Variants in ELP3 observed in about 807,000 individuals in gnomAD.
The protein encoded by ELP3 is elongator complex protein 3.
A neutral mutation model predicts 74.9 loss-of-function variants in ELP3; 56 were observed. The ratio of observed to expected loss-of-function variants is 0.75; its 90% confidence interval spans 0.60 to 0.93. ELP3 has a LOEUF of 0.93. Ranked by LOEUF, ELP3 falls within the 40% of genes least tolerant of loss-of-function variation. The pLI, the probability that ELP3 is intolerant of heterozygous loss-of-function variation, is 0.00. For missense variants in ELP3, 573 were observed against 686.5 expected (o/e 0.83, Z 1.85); for synonymous variants, 222 against 239.8 (o/e 0.93, Z 0.68).
chr8:28,156,109 C>T, intron 11 of ELP3, 77 bp downstream of exon 11: 1 of 1,202,430 alleles, frequency 8.3e-7, no homozygotes, highest in Non-Finnish European at 1.2e-6. Context: ...TTTGCCACTA[C>T]CACCCCTAAA....
chr8:28,118,580 A>G (rs1298579637), intron 7 of ELP3, among the ~76,000 whole-genome samples: 1 of 152,188 alleles, frequency 6.6e-6, no homozygotes, highest in Non-Finnish European at 1.5e-5. Flanking sequence ...AGCAACAATT[A>G]CTGGTGACTG....
intron 12 of ELP3, among the ~76,000 whole-genome samples, chr8:28,158,850 T>C (rs561343733): frequency 2.5e-4 from 38 of 152,336 alleles, no homozygotes; most frequent in Middle Eastern, 3.4e-3. Context: ...TCATTCTAGA[T>C]TAGCACTGTC....
intron 14 of ELP3, among the ~76,000 whole-genome samples, chr8:28,182,639 G>GTT: frequency 6.6e-6 from 1 of 152,208 alleles, no homozygotes; most frequent in East Asian, 1.9e-4. Context: ...TTAGTCTAAG[G>GTT]TTGTGTGATT....
At chr8:28,135,922 T>C (rs1260413577) in intron 9 of ELP3, among the ~76,000 whole-genome samples, 1 of 152,128 alleles carries the variant, frequency 6.6e-6, no homozygotes. Flanking sequence ...CTCTTTGTTC[T>C]TCTGGGTTTA....
intron 9 of ELP3, 133 bp downstream of exon 9, chr8:28,132,537 C>T: frequency 8.5e-7 from 1 of 1,172,412 alleles, no homozygotes; most frequent in South Asian, 1.5e-5. Flanking sequence ...ATATTAGAAA[C>T]ACAGTAGGGT....
chr8:28,166,501 A>G (rs1814311207), intron 14 of ELP3, among the ~76,000 whole-genome samples: 1 of 152,236 alleles, frequency 6.6e-6, no homozygotes, highest in South Asian at 2.1e-4. Context: ...TATAGCTTCT[A>G]TCAACACACG....
upstream of ELP3, chr8:28,093,072 C>T (rs149610446): frequency 5.8e-6 from 8 of 1,383,628 alleles, no homozygotes; most frequent in Middle Eastern, 5.3e-4. Flanking sequence ...GCTTTGTGCA[C>T]GTCGGCTTCC....
At chr8:28,112,872 A>G in intron 6 of ELP3, 147 bp from the exon 7 acceptor site, 1 of 588,952 alleles carries the variant, frequency 1.7e-6, no homozygotes, top group South Asian at 5.7e-5. Context: ...CCTATTTTTT[A>G]TCCACAGAAT....
At chr8:28,172,899 AT>A (rs558426546) in intron 14 of ELP3, among the ~76,000 whole-genome samples, 21 of 151,310 alleles carry the variant, frequency 1.4e-4, no homozygotes, top group Non-Finnish European at 2.2e-4. Context: ...TGATTGTATG[AT>A]TTTTTTTCCC....
chr8:28,129,826 C>T (rs564969812), intron 8 of ELP3, among the ~76,000 whole-genome samples, 163 bp downstream of exon 8: 3 of 152,120 alleles, frequency 2.0e-5, no homozygotes, highest in Admixed American at 1.3e-4. Flanking sequence ...TAATTCCATC[C>T]CCTCTTTCCC....
At chr8:28,138,514 G>A (rs1015403531) in intron 10 of ELP3, among the ~76,000 whole-genome samples, 6 of 152,024 alleles carry the variant, frequency 3.9e-5, no homozygotes, top group African/African-American at 9.7e-5. Flanking sequence ...AAAGTTACCC[G>A]TATACCTACA....
At chr8:28,129,369 A>G in intron 7 of ELP3, 133 bp from the exon 8 acceptor site, 1 of 833,730 alleles carries the variant, frequency 1.2e-6, no homozygotes, top group Non-Finnish European at 1.9e-6. Context: ...ATTTGAACTC[A>G]GGCAGCCTGG....
chr8:28,173,913 T>G (rs1366981986), intron 14 of ELP3, among the ~76,000 whole-genome samples: 1 of 152,038 alleles, frequency 6.6e-6, no homozygotes, highest in African/African-American at 2.4e-5. Context: ...GTTTTCCAGT[T>G]TCCATCTGTT....
At chr8:28,119,254 A>G (rs1812258394) in intron 7 of ELP3, among the ~76,000 whole-genome samples, 1 of 152,132 alleles carries the variant, frequency 6.6e-6, no homozygotes, top group East Asian at 1.9e-4. Flanking sequence ...TAGTCACTTT[A>G]AGAGAGTTGA....
intron 7 of ELP3, among the ~76,000 whole-genome samples, chr8:28,124,422 CTA>C (rs1812494805): frequency 6.6e-6 from 1 of 152,118 alleles, no homozygotes; most frequent in African/African-American, 2.4e-5. Flanking sequence ...TATATTATCT[CTA>C]AAATTATACC....
chr8:28,141,142 T>C (rs1813221839), intron 10 of ELP3, among the ~76,000 whole-genome samples: 1 of 152,158 alleles, frequency 6.6e-6, no homozygotes, highest in Admixed American at 6.6e-5. Flanking sequence ...TCCCCCACCA[T>C]ACTTAGCAAT....
chr8:28,112,870 T>G (rs1811974693), intron 6 of ELP3, 149 bp from the exon 7 acceptor site: 1 of 584,952 alleles, frequency 1.7e-6, no homozygotes, highest in Non-Finnish European at 2.6e-6. Flanking sequence ...GGCCTATTTT[T>G]TATCCACAGA....
intron 7 of ELP3, chr8:28,118,782 A>T (rs1473480762): frequency 1.3e-5 from 2 of 152,160 alleles, no homozygotes; most frequent in Non-Finnish European, 2.9e-5. Flanking sequence ...TTTTCACAAG[A>T]TGCAATTTAA....
At chr8:28,132,615 T>A (rs1812823746) in intron 9 of ELP3, among the ~76,000 whole-genome samples, 1 of 152,336 alleles carries the variant, frequency 6.6e-6, no homozygotes, top group Admixed American at 6.5e-5. Context: ...TCCAAGATTT[T>A]TCTATGCATA....
Sources: allele counts gnomAD v4.1 joint callset (sites outside exome capture counted in the v4.1 genomes callset), GRCh38; gene constraint gnomAD v4.1.1; transcripts MANE v1.5; gene names NCBI Gene and HGNC (gene_info 2026-07-23, HGNC 2026-07-21).